CEP170B: variants seen among roughly 807,000 people sequenced by gnomAD.
CEP170B encodes the protein centrosomal protein 170B, also known as centrosomal protein of 170 kDa protein B.
In CEP170B, 55 loss-of-function variants were observed where a neutral mutation model predicts 120.6. The observed-to-expected ratio is 0.46, with a 90% CI of 0.37 to 0.57. The LOEUF (loss-of-function observed/expected upper bound fraction) is 0.57. Ranked by LOEUF, CEP170B falls within the 20% of genes least tolerant of loss-of-function variation. The probability of loss-of-function intolerance (pLI) is 0.00; values close to 1 mark genes in which losing one functional copy is unlikely to be tolerated. For synonymous variants in CEP170B, 1,033 were observed against 954.5 expected (o/e 1.08, Z -1.52); for missense variants, 2,212 against 2,253.3 (o/e 0.98, Z 0.37).
chr14:104,885,465 G>A lies in CEP170B; in HGVS notation c.1867G>A (p.Gly623Ser), dbSNP rs1896425090. The change falls in exon 10 of 19, where the codon GGC becomes AGC. Residue 623 changes from glycine (G) to serine (S), a missense_variant. This residue lies in a region of CEP170B where 2,166 missense variants were observed against 2,166.7 expected (regional missense o/e 1.00). Transcript: ENST00000414716. ...RGDRDESDDGGVAQRMALLQE... is the reference protein window; with the variant it reads ...RGDRDESDDGSVAQRMALLQE... ...GGACAGAGATGAGTCTGATGACGGG[G>A]GCGTGGCCCAGCGGATGGCGCTACT... The A allele has an allele frequency of 1.3e-6, 2 of 1,563,028 alleles. No homozygotes were observed. Among genetic ancestry groups the A allele is most frequent in the African/African-American group, 1.4e-5 (1 of 73,710 alleles).
chr14:104,880,418 A>G lies in CEP170B; in HGVS notation c.465A>G (p.Pro155=). The stretch of plus-strand genomic sequence containing the variant: ...GGCCGGAGAAGGGGGACCGGAGACC[A>G]GGAACAGGTAGGCCCAGGCAGTGCG... ...NPRPEKGDRR[P]GTEAASYRTP... is the part of the protein sequence containing the mutation. Residue 155 remains proline, a synonymous_variant, in exon 6 of 19, where the codon CCA becomes CCG. Transcript: ENST00000414716. The G allele has an allele frequency of 6.2e-7, 1 of 1,612,076 alleles. No homozygotes were observed. The highest frequency in any genetic ancestry group is 8.5e-7 in the Non-Finnish European group (1 of 1,179,524).
chr14:104,892,732 G>A (rs773597466), intron 13 of CEP170B, among the ~76,000 whole-genome samples: 12 of 152,290 alleles, frequency 7.9e-5, no homozygotes, highest in African/African-American at 4.8e-5. Flanking sequence ...TTCAGGCTCC[G>A]TCCCAGCCCC....
intron 6 of CEP170B, 64 bp downstream of exon 6, chr14:104,880,489 C>T: frequency 6.3e-7 from 1 of 1,576,368 alleles, no homozygotes; most frequent in Admixed American, 1.8e-5. Context: ...CTGCCCCGCA[C>T]CTGCCTCTCT....
intron 5 of CEP170B, 113 bp from the exon 6 acceptor site, chr14:104,880,174 G>A: frequency 7.1e-7 from 1 of 1,406,824 alleles, no homozygotes; most frequent in Non-Finnish European, 9.6e-7. Flanking sequence ...GAGAGCTTGT[G>A]ACATGCAAAG....
At chr14:104,894,458 G>A in intron 17 of CEP170B, 79 bp from the exon 18 acceptor site, 11 of 1,606,132 alleles carry the variant, frequency 6.8e-6, no homozygotes, top group Non-Finnish European at 9.4e-6. Context: ...CCTTGTCCCA[G>A]CTCCTGCACA....
rs1595307687 is a variant in CEP170B at position 104,870,519 on chromosome 14, C to T, written c.105+1964C>T. Among the ~76,000 whole-genome samples, 1 of 152,114 alleles carries T rather than the reference C, an allele frequency of 6.6e-6. No homozygotes were observed. The highest frequency in any genetic ancestry group is 6.5e-5 in the Admixed American group (1 of 15,282). On this transcript the variant is annotated intron_variant, in intron 2 of 18. Transcript: ENST00000414716. The surrounding 1 kb of genome is among the most constrained non-coding windows in gnomAD (Gnocchi z 4.1). ...GGCTAGGAGGGCTTCTTGGAGGCGG[C>T]GGCACTTTGGAGCCTCTGGAAGAAG...
intron 2 of CEP170B, among the ~76,000 whole-genome samples, chr14:104,872,482 T>TGTGG (rs1895620855): frequency 7.5e-5 from 8 of 106,116 alleles, no homozygotes; most frequent in Non-Finnish European, 1.4e-4. Context: ...TGTGTGTGCG[T>TGTGG]GTGTGCCGTG....
intron 5 of CEP170B, among the ~76,000 whole-genome samples, 183 bp from the exon 6 acceptor site, chr14:104,880,104 C>T (rs1237231799): frequency 2.0e-5 from 3 of 152,166 alleles, no homozygotes; most frequent in Non-Finnish European, 4.4e-5. Context: ...TTGAGCTGGA[C>T]CCCGAGCCGT....
Position 104,877,942 on chromosome 14 carries a change from G to A in CEP170B, c.253G>A (p.Asp85Asn). The change falls in exon 4 of 19, where the codon GAT becomes AAT. Residue 85 changes from aspartate to asparagine, a missense_variant. This residue lies in a region of CEP170B where 2,166 missense variants were observed against 2,166.7 expected (regional missense o/e 1.00). Transcript: ENST00000414716. ...GAAGTACGTCACGCTGAAGCTCAAC[G>A]ATGTCATCCGCTTCGGCTACGATAT... is the stretch of plus-strand genomic sequence containing the variant. ...DQKYVTLKLN[D>N]VIRFGYDSNM... 2.5e-6 allele frequency: 4 copies of A among 1,599,224 alleles called. No individual in the cohort carries two copies. The highest frequency in any genetic ancestry group is 1.4e-5 in the African/African-American group (1 of 73,676).
intron 12 of CEP170B, among the ~76,000 whole-genome samples, chr14:104,889,066 C>T (rs535763345): frequency 9.9e-5 from 15 of 152,226 alleles, no homozygotes; most frequent in Non-Finnish European, 1.9e-4. Flanking sequence ...TTGGGTCTGA[C>T]AAACTCAAGC....
At position 104,886,770 on chromosome 14, in the gene CEP170B, T is replaced by C; in HGVS notation, c.2531T>C (p.Met844Thr). The C allele has an allele frequency of 6.2e-7, 1 of 1,611,650 alleles. No homozygotes were observed. The highest frequency in any genetic ancestry group is 2.2e-5 in the East Asian group (1 of 44,836). The change falls in exon 12 of 19, where the codon ATG (methionine) becomes ACG (threonine). Residue 844 changes from methionine to threonine, a missense_variant. Physicochemically the swap from Met to Thr is moderately conservative, Grantham distance 81. Transcript: ENST00000414716. ...DGVYVSANGR[M>T]VIQLRPGRSP... ...GTCTATGTCAGTGCCAATGGGAGAA[T>C]GGTCATCCAGCTACGGCCTGGACGG...
chr14:104,869,416 C>T (rs546557263), intron 2 of CEP170B, among the ~76,000 whole-genome samples: 18 of 152,304 alleles, frequency 1.2e-4, no homozygotes, highest in East Asian at 3.9e-4. Flanking sequence ...CGCACATGCC[C>T]GGGCCATGCC....
chr14:104,884,266 G>C lies in CEP170B; in HGVS notation c.1487G>C (p.Arg496Pro), dbSNP rs772754598. ...CGCCCCTTCGGAAGCGTGGGGCGCC[G>C]CTCCCGCCTGGCCCAGGACTTCATG... ...PARPFGSVGR[R>P]SRLAQDFMAQ... Residue 496 changes from arginine (R) to proline (P), a missense_variant, in exon 9 of 19, where the codon CGC becomes CCC. Arg to Pro is a moderately radical substitution (Grantham distance 103). Transcript: ENST00000414716. 1.4e-5 allele frequency: 22 copies of C among 1,543,126 alleles called. No individual in the cohort carries two copies. The highest frequency in any genetic ancestry group is 1.8e-5 in the Non-Finnish European group (21 of 1,145,618).
chr14:104,883,558 G>A (rs760551794), intron 8 of CEP170B, 50 bp downstream of exon 8: 6 of 1,483,706 alleles, frequency 4.0e-6, no homozygotes, highest in East Asian at 5.0e-5. Context: ...GCAGGGGACC[G>A]GACTTTGGCT....
Position 104,882,805 on chromosome 14 carries a change from G to A in CEP170B, c.550G>A (p.Ala184Thr), listed in dbSNP as rs373539912. ...GGACGATGGTAGCACGCTGCCTGAC[G>A]CCCAGCGCCAGGGAGAGCCCTACCC... The part of the protein sequence containing the change: ...GEDDGSTLPD[A>T]QRQGEPYPER... Residue 184 changes from alanine (A) to threonine (T), a missense_variant, in exon 7 of 19, where the codon GCC (alanine) becomes ACC (threonine). Ala to Thr is a moderately conservative substitution (Grantham distance 58, BLOSUM62 0). This residue lies in a region of CEP170B where 2,166 missense variants were observed against 2,166.7 expected (regional missense o/e 1.00). Transcript: ENST00000414716. 85 of 1,612,236 alleles carry A rather than the reference G, an allele frequency of 5.3e-5. No homozygotes were observed. The African/African-American group carries it at 5.7e-4, about 11-fold the overall frequency.
chr14:104,881,217 C>T (rs553506872), intron 6 of CEP170B, among the ~76,000 whole-genome samples: 13 of 150,840 alleles, frequency 8.6e-5, no homozygotes, highest in East Asian at 1.9e-4. Flanking sequence ...CGAGGGTCCG[C>T]GTGGGTCCGG....
intron 2 of CEP170B, among the ~76,000 whole-genome samples, chr14:104,869,562 G>A (rs1895367564): frequency 6.6e-6 from 1 of 152,232 alleles, no homozygotes; most frequent in South Asian, 2.1e-4. Context: ...GTCCTGCTGT[G>A]GCGGGAAGGT....
At position 104,893,297 on chromosome 14, in the gene CEP170B, C is replaced by T. The variant is rs189968723; in HGVS notation, c.4038+162C>T. Among the ~76,000 whole-genome samples the T allele has an allele frequency of 2.3e-3, 348 of 152,372 alleles. 2 individuals carry two copies. Among genetic ancestry groups the T allele is most frequent in the Non-Finnish European group, 3.9e-3 (265 of 68,038 alleles). ...CTGGGTCAGCGCCCCAAACGGCCAC[C>T]GGAGAGCTCGAGGTCTGGGGCGCTC... On this transcript the variant is annotated intron_variant, in intron 14 of 18. Coordinates refer to ENST00000414716, the MANE Select transcript of CEP170B (RefSeq NM_001112726.3).
intron 2 of CEP170B, among the ~76,000 whole-genome samples, chr14:104,873,753 A>T (rs905239167): frequency 2.0e-5 from 3 of 152,084 alleles, no homozygotes; most frequent in Non-Finnish European, 2.9e-5. Context: ...CAGCCACCTC[A>T]GCCCTTTCCA....
Sources: allele counts gnomAD v4.1 joint callset (sites outside exome capture counted in the v4.1 genomes callset), GRCh38; gene constraint gnomAD v4.1.1; regional missense constraint gnomAD v4.1.1; non-coding constraint Gnocchi (gnomAD v3.1); transcripts MANE v1.5; gene names NCBI Gene and HGNC (gene_info 2026-07-23, HGNC 2026-07-21).